The following IQCE variants were observed in gnomAD, a reference collection of about 807,000 sequenced individuals.
IQCE encodes IQ motif containing E.
In IQCE, 115 loss-of-function variants were observed where a neutral mutation model predicts 96.0. The ratio of observed to expected loss-of-function variants is 1.20; its 90% CI spans 1.03 to 1.40. The LOEUF (loss-of-function observed/expected upper bound fraction) is 1.40, where lower values mean the gene tolerates loss of function less well. IQCE is among the 40% of genes most tolerant of loss of function. The pLI is 0.00. For synonymous variants in IQCE, 412 were observed against 371.2 expected, an observed-to-expected ratio of 1.11 and a Z score of -1.26; for missense variants, 1,041 against 909.1, an observed-to-expected ratio of 1.15 and a Z score of -1.87.
chr7:2,564,046 A>G (rs1289975128), intron 1 of IQCE, among the ~76,000 whole-genome samples: 7 of 149,096 alleles, frequency 4.7e-5, no homozygotes. Context: ...TGTCTCCACT[A>G]AAAATACAAA....
rs748060939 is a variant in IQCE, at chr7:2,572,234, A to T, written c.302A>T (p.His101Leu). ...CTGAACTCACCCCTCACCTGGGAGC[A>T]TGCGTGGACTGGCGTCCCCGGCGGC... ...QALNSPLTWE[H>L]AWTGVPGGTP... The change falls in exon 5 of 22, where the codon CAT becomes CTT. Residue 101 changes from histidine to leucine, a missense_variant. His to Leu is a moderately conservative substitution (Grantham distance 99). Transcript: ENST00000402050. 1 of 1,614,176 alleles carries T rather than the reference A, an allele frequency of 6.2e-7. No homozygotes were observed. Among genetic ancestry groups the T allele is most frequent in the South Asian group, 1.1e-5 (1 of 91,088 alleles).
intron 6 of IQCE, among the ~76,000 whole-genome samples, chr7:2,575,686 TCTG>T (rs1782071415): frequency 6.6e-6 from 1 of 152,194 alleles, no homozygotes; most frequent in South Asian, 2.1e-4. Context: ...GCCTTGTCGG[TCTG>T]CTCCTCTCCC....
chr7:2,573,238 C>G (rs1781886306), intron 5 of IQCE, among the ~76,000 whole-genome samples, 180 bp from the exon 6 acceptor site: 1 of 152,104 alleles, frequency 6.6e-6, no homozygotes, highest in Non-Finnish European at 1.5e-5. Context: ...TTTTGCTTTT[C>G]TTGCTACTTG....
rs770102606 is a variant in IQCE, at chr7:2,593,084, G to A, written c.1307G>A (p.Arg436Lys). 2.5e-6 allele frequency: 4 copies of A among 1,612,772 alleles called. No individual in the cohort carries two copies. The African/African-American group carries it at 4.0e-5, about 16-fold the overall frequency. Residue 436 changes from arginine to lysine, a missense_variant, in exon 15 of 22, where the codon AGG becomes AAG. Coordinates refer to ENST00000402050, the MANE Select transcript of IQCE (RefSeq NM_152558.5). Reference sequence around the variant, plus strand: ...CTGGAGAAGGAGCTGGAGTGCGCGAGGGAGGGCGAGGAGGAGAGGAGAGAG... The same window carrying A: ...CTGGAGAAGGAGCTGGAGTGCGCGAAGGAGGGCGAGGAGGAGAGGAGAGAG... Reference protein sequence around the residue: ...ADLEKELECAREGEEERRERE... With the variant: ...ADLEKELECAKEGEEERRERE...
chr7:2,576,409 G>C (rs912338892), intron 6 of IQCE, among the ~76,000 whole-genome samples: 1 of 152,112 alleles, frequency 6.6e-6, no homozygotes, highest in Non-Finnish European at 1.5e-5. Flanking sequence ...CCACTACAGA[G>C]TCTTTTTTTT....
intron 21 of IQCE, among the ~76,000 whole-genome samples, chr7:2,608,302 G>GC (rs1412554683): frequency 6.6e-6 from 1 of 152,206 alleles, no homozygotes; most frequent in Non-Finnish European, 1.5e-5. Context: ...CCGTTTTGAG[G>GC]CCCGCATCAG....
intron 6 of IQCE, among the ~76,000 whole-genome samples, chr7:2,574,991 C>A (rs1782013165): frequency 6.6e-6 from 1 of 152,220 alleles, no homozygotes; most frequent in African/African-American, 2.4e-5. Flanking sequence ...TTCAAGCGTG[C>A]CTGTCATTGG....
chr7:2,607,215 G>A lies in IQCE; in HGVS notation c.1957G>A (p.Ala653Thr), dbSNP rs1373728950. 2 of 1,613,668 alleles carry A rather than the reference G, an allele frequency of 1.2e-6. No individual in the cohort carries two copies. Among genetic ancestry groups the A allele is most frequent in the Non-Finnish European group, 8.5e-7 (1 of 1,179,810 alleles). Residue 653 changes from alanine (A) to threonine (T), a missense_variant, in exon 21 of 22, where the codon GCA (alanine) becomes ACA (threonine). Coordinates refer to ENST00000402050, the MANE Select transcript of IQCE (RefSeq NM_152558.5). ...HGDASSPPFL[A>T]ALPDPSPSGP... The stretch of plus-strand genomic sequence containing the variant: ...GGACGCCTCCTCCCCACCCTTCCTC[G>A]CAGCTCTTCCTGGTAATTTCATTCA...
intron 15 of IQCE, 76 bp from the exon 16 acceptor site, chr7:2,594,810 G>A (rs543466412): frequency 1.8e-5 from 12 of 668,982 alleles, no homozygotes; most frequent in African/African-American, 1.3e-4. Flanking sequence ...TGGACCGCCC[G>A]CCCCACCCTG....
At chr7:2,581,221 T>C (rs1359779400) in intron 8 of IQCE, among the ~76,000 whole-genome samples, 5 of 152,148 alleles carry the variant, frequency 3.3e-5, no homozygotes, top group Non-Finnish European at 5.9e-5. Flanking sequence ...ATTTATTTAT[T>C]TTGAGACTGA....
At chr7:2,567,695 G>C (rs1182036235) in intron 2 of IQCE, among the ~76,000 whole-genome samples, 2 of 152,198 alleles carry the variant, frequency 1.3e-5, no homozygotes, top group Non-Finnish European at 2.9e-5. Context: ...TGCTCTTCTC[G>C]TGTATGAGCG....
chr7:2,581,769 G>A (rs1429894041), intron 8 of IQCE, among the ~76,000 whole-genome samples: 9 of 150,796 alleles, frequency 6.0e-5, no homozygotes, highest in African/African-American at 2.2e-4. Flanking sequence ...GAGTGCAGTG[G>A]CGCAATCTCG....
chr7:2,588,829 C>T (rs903243804), intron 13 of IQCE, among the ~76,000 whole-genome samples: 3 of 151,656 alleles, frequency 2.0e-5, no homozygotes, highest in Admixed American at 6.6e-5. Context: ...CCACGCCCAG[C>T]TAATTTTTGT....
intron 8 of IQCE, among the ~76,000 whole-genome samples, chr7:2,580,494 C>T (rs941100353): frequency 6.6e-6 from 1 of 152,066 alleles, no homozygotes; most frequent in Non-Finnish European, 1.5e-5. Flanking sequence ...TGCCTGTAAT[C>T]CCAGCTACTC....
intron 8 of IQCE, among the ~76,000 whole-genome samples, chr7:2,579,297 C>T (rs577721142): frequency 1.6e-4 from 24 of 151,920 alleles, no homozygotes; most frequent in Non-Finnish European, 3.1e-4. Flanking sequence ...GAAAGGGATA[C>T]GATTTTGAGA....
Position 2,594,827 on chromosome 7 carries a change from G to A in IQCE, c.1350-59G>A. 2.4e-6 allele frequency: 3 copies of A among 1,236,692 alleles called. No homozygotes were observed. In the South Asian group the frequency reaches 3.6e-5, roughly 15 times the overall value. 76.6% of individuals were successfully genotyped at this position (1,236,692 alleles called of 1,614,324 possible). On this transcript the variant is annotated intron_variant, in intron 15 of 21. Transcript: ENST00000402050. Reference sequence around the variant, plus strand: ...GACCGCCCGCCCCACCCTGCCCTGTGCCGGCCTTCATCACATAGTGACAGG... The same window carrying A: ...GACCGCCCGCCCCACCCTGCCCTGTACCGGCCTTCATCACATAGTGACAGG...
chr7:2,613,726 C>G lies in IQCE; in HGVS notation c.*3564C>G, dbSNP rs1014384284. ...CAGCGCCGGGGGGATTTCAGTGGAG[C>G]CTTACAGCCAGGCTCCGTGCGGACT... On this transcript the variant is annotated 3_prime_UTR_variant, in exon 22 of 22. Transcript: ENST00000402050. 4 of 152,330 alleles carry G rather than the reference C, an allele frequency of 2.6e-5. No homozygotes were observed. The highest frequency in any genetic ancestry group is 5.9e-5 in the Non-Finnish European group (4 of 68,122). The allele number at this position is 152,330 out of a possible 1,614,324, so 9.4% of individuals were successfully genotyped here. A position where few individuals can be genotyped will look rare whatever the true frequency, so the allele number is the denominator to read the frequency against.
intron 9 of IQCE, among the ~76,000 whole-genome samples, 159 bp downstream of exon 9, chr7:2,582,809 T>C (rs896169217): frequency 6.6e-6 from 1 of 152,226 alleles, no homozygotes; most frequent in African/African-American, 2.4e-5. Flanking sequence ...TTTATTGTCT[T>C]TGTTTCCTCC....
At chr7:2,605,854 C>G (rs754957828) in intron 19 of IQCE, 22 bp from the exon 20 acceptor site, 1 of 1,554,412 alleles carries the variant, frequency 6.4e-7, no homozygotes, top group Non-Finnish European at 8.7e-7. Flanking sequence ...CAGTCGTCTT[C>G]CCTGCTGTCC....
Sources: gnomAD v4.1 joint callset for allele counts (sites outside exome capture counted in the v4.1 genomes callset) on GRCh38, gnomAD v4.1.1 for gene constraint, MANE v1.5 for transcripts, NCBI Gene and HGNC (gene_info 2026-07-23, HGNC 2026-07-21) for gene names.